Variants in ZNF462 observed in about 807,000 individuals in gnomAD.
ZNF462 encodes the protein zinc finger PBX1-interacting protein.
Under a neutral mutation model 201.9 loss-of-function variants are expected in ZNF462, and 10 were observed. The observed-to-expected ratio is 0.05, with a 90% CI of 0.03 to 0.08. The LOEUF is 0.08. ZNF462 is among the 10% of genes least tolerant of loss of function. The pLI, the probability that ZNF462 is intolerant of heterozygous loss-of-function variation, is 1.00. For synonymous variants in ZNF462, 1,227 were observed against 1,193.3 expected (o/e 1.03, Z -0.58); for missense variants, 2,523 against 3,168.3 (o/e 0.80, Z 4.89).
chr9:106,910,916 A>G (rs1303864361), intron 1 of ZNF462, among the ~76,000 whole-genome samples: 1 of 152,190 alleles, frequency 6.6e-6, no homozygotes, highest in African/African-American at 2.4e-5. Context: ...GACCACTCTA[A>G]GCTTGGAGGT....
intron 10 of ZNF462, among the ~76,000 whole-genome samples, chr9:107,001,957 C>T (rs772068897): frequency 5.3e-5 from 8 of 152,210 alleles, no homozygotes; most frequent in Non-Finnish European, 1.0e-4. Context: ...CTACCTATCT[C>T]TTACAGGATG....
Position 106,865,100 on chromosome 9 carries a change from T to C in ZNF462, c.-31+1745T>C, listed in dbSNP as rs1055282099. On this transcript the variant is annotated intron_variant, in intron 1 of 12. Coordinates refer to ENST00000277225, the MANE Select transcript of ZNF462 (RefSeq NM_021224.6). The surrounding 1 kb of genome is among the most constrained non-coding windows in gnomAD (Gnocchi z 4.1). ...GTGGTTCCTCACTGTCTATTCATTA[T>C]GCAAGGAAATGAGGGCTTTTAAGGG... 3.3e-5 allele frequency among the ~76,000 whole-genome samples: 5 copies of C among 152,218 alleles called. No homozygotes were observed. The highest frequency in any genetic ancestry group is 5.9e-5 in the Non-Finnish European group (4 of 68,034).
At chr9:106,937,328 C>T (rs1830673252) in intron 6 of ZNF462, among the ~76,000 whole-genome samples, 1 of 152,116 alleles carries the variant, frequency 6.6e-6, no homozygotes, top group Non-Finnish European at 1.5e-5. Context: ...GCTATACTCA[C>T]TTCACATGTG....
At chr9:106,964,473 C>T (rs1453431129) in intron 7 of ZNF462, among the ~76,000 whole-genome samples, 1 of 151,992 alleles carries the variant, frequency 6.6e-6, no homozygotes, top group Admixed American at 6.6e-5. Flanking sequence ...GAATCTCGTT[C>T]CTTTGATTGA....
intron 7 of ZNF462, among the ~76,000 whole-genome samples, chr9:106,946,354 T>G (rs1319261034): frequency 6.6e-6 from 1 of 152,220 alleles, no homozygotes; most frequent in African/African-American, 2.4e-5. Flanking sequence ...TCTCAGTTAT[T>G]TTTTAAAAGA....
intron 1 of ZNF462, among the ~76,000 whole-genome samples, chr9:106,888,386 T>G (rs1370758673): frequency 2.6e-5 from 4 of 152,212 alleles, no homozygotes; most frequent in Non-Finnish European, 4.4e-5. Flanking sequence ...ATGGTTATCT[T>G]TTTATGTACG....
chr9:106,889,130 T>C (rs1369550907), intron 1 of ZNF462, among the ~76,000 whole-genome samples: 2 of 152,296 alleles, frequency 1.3e-5, no homozygotes, highest in African/African-American at 2.4e-5. Context: ...GTGAGAACTT[T>C]AATAAGCAAA....
chr9:106,881,605 G>T (rs1364553006), intron 1 of ZNF462, among the ~76,000 whole-genome samples: 2 of 152,080 alleles, frequency 1.3e-5, no homozygotes, highest in African/African-American at 2.4e-5. Flanking sequence ...ACTTTCTATA[G>T]GTAGAGCACT....
At position 106,902,665 on chromosome 9, in the gene ZNF462, C is replaced by A. The variant is rs1461036552; in HGVS notation, c.-30-20689C>A. Among the ~76,000 whole-genome samples, 1 of 151,988 alleles carries A rather than the reference C, an allele frequency of 6.6e-6. No individual in the cohort carries two copies. The highest frequency in any genetic ancestry group is 1.5e-5 in the Non-Finnish European group (1 of 67,980). ...TTTAAGCTGGGAGGGTTGTATTTTT[C>A]CAGGAATTTATCCATCTCTCCTAGG... is the stretch of plus-strand genomic sequence containing the variant. On this transcript the variant is annotated intron_variant, in intron 1 of 12. Coordinates refer to ENST00000277225, the MANE Select transcript of ZNF462 (RefSeq NM_021224.6). The surrounding 1 kb of genome is among the most constrained non-coding windows in gnomAD (Gnocchi z 4.2).
At position 106,928,765 on chromosome 9, in the gene ZNF462, C is replaced by G. The variant is rs771415035; in HGVS notation, c.4853C>G (p.Pro1618Arg). Residue 1618 changes from proline to arginine, a missense_variant, in exon 3 of 13, where the codon CCC (proline) becomes CGC (arginine). By Grantham distance (103) the Pro-to-Arg change is moderately radical (BLOSUM62 -2). Coordinates refer to ENST00000277225, the MANE Select transcript of ZNF462 (RefSeq NM_021224.6). The surrounding 1 kb of genome is among the most constrained non-coding windows in gnomAD (Gnocchi z 9.3). ...FSQSPPKLPVPLEPEMTTEVS... is the reference protein window; with the variant it reads ...FSQSPPKLPVRLEPEMTTEVS... ...CAGTCGCCCCCGAAGCTGCCAGTCC[C>G]CCTCGAGCCCGAGATGACCACTGAA... is the stretch of plus-strand genomic sequence containing the variant. 6 of 1,614,092 alleles carry G rather than the reference C, an allele frequency of 3.7e-6. No individual in the cohort carries two copies. The highest frequency in any genetic ancestry group is 5.1e-6 in the Non-Finnish European group (6 of 1,180,016).
In ZNF462 at chr9:106,974,118, C is replaced by G. The variant is rs757871452; in HGVS notation, c.6696-19C>G. The G allele has an allele frequency of 5.0e-6, 8 of 1,613,754 alleles. No homozygotes were observed. The highest frequency in any genetic ancestry group is 6.8e-6 in the Non-Finnish European group (8 of 1,179,902). On this transcript the variant is annotated intron_variant, in intron 8 of 12. Coordinates refer to ENST00000277225, the MANE Select transcript of ZNF462 (RefSeq NM_021224.6). The surrounding 1 kb of genome is among the most constrained non-coding windows in gnomAD (Gnocchi z 4.0). ...TCCCTGGTTACACGCATCACCTCTC[C>G]TCCCAAACTCTCTCCTAGATCTGCT...
chr9:106,916,839 T>G (rs141705097), intron 1 of ZNF462, among the ~76,000 whole-genome samples: 1 of 152,274 alleles, frequency 6.6e-6, no homozygotes, highest in African/African-American at 2.4e-5. Context: ...CTAAACCACA[T>G]CTCAAGAAAA....
At position 107,009,873 on chromosome 9, in the gene ZNF462, G is replaced by GA. The variant is rs1202860273; in HGVS notation, c.7313+212dup. 2.0e-5 allele frequency among the ~76,000 whole-genome samples: 3 copies of GA among 152,002 alleles called. No homozygotes were observed. Among genetic ancestry groups the GA allele is most frequent in the Admixed American group, 1.3e-4 (2 of 15,260 alleles). The stretch of plus-strand genomic sequence containing the variant: ...GTCACCCAGCCGCAAGTCAAATAGG[G>GA]AAAAAAATCGTCTTTATGAATGATC... On this transcript the variant is annotated intron_variant, in intron 12 of 12. Coordinates refer to ENST00000277225, the MANE Select transcript of ZNF462 (RefSeq NM_021224.6). The surrounding 1 kb of genome is among the most constrained non-coding windows in gnomAD (Gnocchi z 6.1).
At position 106,927,035 on chromosome 9, in the gene ZNF462, C is replaced by G; in HGVS notation, c.3123C>G (p.Asn1041Lys). Residue 1041 changes from asparagine (N) to lysine (K), a missense_variant, in exon 3 of 13, where the codon AAC becomes AAG. Coordinates refer to ENST00000277225, the MANE Select transcript of ZNF462 (RefSeq NM_021224.6). The part of the protein sequence containing the change: ...DCDVCSFASP[N>K]MHSVLVHYQK... ...ATGTTTGTTCGTTTGCAAGCCCCAA[C>G]ATGCATTCTGTCTTGGTTCATTATC... 1.2e-6 allele frequency: 2 copies of G among 1,614,084 alleles called. No homozygotes were observed. The highest frequency in any genetic ancestry group is 2.2e-5 in the East Asian group (1 of 44,890).
In ZNF462 at chr9:107,008,335, A is replaced by C. The variant is rs1005912493; in HGVS notation, c.7190-1210A>C. Among the ~76,000 whole-genome samples, 3 of 152,138 alleles carry C rather than the reference A, an allele frequency of 2.0e-5. No homozygotes were observed. Among genetic ancestry groups the C allele is most frequent in the South Asian group, 2.1e-4 (1 of 4,822 alleles). The stretch of plus-strand genomic sequence containing the variant: ...TTCTTAATTTGTGAGAAAATGTTTC[A>C]TCTTTTGTTAAATCTGGCCCCAGTC... On this transcript the variant is annotated intron_variant, in intron 11 of 12. Transcript: ENST00000277225. The surrounding 1 kb of genome is among the most constrained non-coding windows in gnomAD (Gnocchi z 4.8).
chr9:106,952,061 A>G (rs1036497063), intron 7 of ZNF462, among the ~76,000 whole-genome samples: 1 of 152,122 alleles, frequency 6.6e-6, no homozygotes, highest in African/African-American at 2.4e-5. Flanking sequence ...TGGTGTACAG[A>G]TCACACGGGA....
chr9:106,908,014 T>G (rs1183883072), intron 1 of ZNF462, among the ~76,000 whole-genome samples: 1 of 152,056 alleles, frequency 6.6e-6, no homozygotes, highest in Admixed American at 6.5e-5. Flanking sequence ...TTTTTCTTTT[T>G]TTCTTTTTTT....
In ZNF462 at chr9:106,938,970, A is replaced by G; in HGVS notation, c.6290A>G (p.Gln2097Arg). 1 of 1,613,798 alleles carries G rather than the reference A, an allele frequency of 6.2e-7. No homozygotes were observed. The highest frequency in any genetic ancestry group is 8.5e-7 in the Non-Finnish European group (1 of 1,179,870). Residue 2097 changes from glutamine to arginine, a missense_variant, in exon 7 of 13, where the codon CAG becomes CGG. Gln to Arg is a conservative substitution (Grantham distance 43). This residue lies in a region of ZNF462 where 138 missense variants were observed against 146.3 expected (regional missense o/e 0.94). Transcript: ENST00000277225. This position sits in a 1 kb window ranked among gnomAD's most constrained non-coding sequence, Gnocchi z 4.4. ...WCSFSTMTIS[Q>R]LKEHSLKVHG... ...TCATTCTCCACCATGACAATCAGCC[A>G]GCTGAAGGAACACTCCCTCAAGGTC...
At chr9:106,945,880 A>G (rs916419108) in intron 7 of ZNF462, among the ~76,000 whole-genome samples, 9 of 152,224 alleles carry the variant, frequency 5.9e-5, no homozygotes, top group Non-Finnish European at 1.3e-4. Context: ...CCTCAGTGGC[A>G]AAGAGCAACC....
Sources: gnomAD v4.1 joint callset for allele counts (sites outside exome capture counted in the v4.1 genomes callset) on GRCh38, gnomAD v4.1.1 for gene constraint, gnomAD v4.1.1 regional missense constraint, Gnocchi (gnomAD v3.1) non-coding constraint, MANE v1.5 for transcripts, NCBI Gene and HGNC (gene_info 2026-07-23, HGNC 2026-07-21) for gene names.